ITFG1: variants seen among roughly 807,000 people sequenced by gnomAD.
ITFG1 encodes integrin alpha FG-GAP repeat containing 1, also known as T-cell immunomodulatory protein.
In ITFG1, 34 loss-of-function variants were observed where a neutral mutation model predicts 81.8. That is an observed-to-expected ratio of 0.42 (90% confidence interval 0.32 to 0.55). The LOEUF (loss-of-function observed/expected upper bound fraction) is 0.55. Among genes scored for constraint, ITFG1 ranks in the 20% least tolerant of loss-of-function variants. The pLI is 0.17. For missense variants in ITFG1, 672 were observed against 755.4 expected, an observed-to-expected ratio of 0.89 and a Z score of 1.29; for synonymous variants, 285 against 270.6, an observed-to-expected ratio of 1.05 and a Z score of -0.52.
chr16:47,283,171 A>G (rs1966468257), intron 10 of ITFG1, among the ~76,000 whole-genome samples: 1 of 152,102 alleles, frequency 6.6e-6, no homozygotes. Flanking sequence ...CAATGTCTAG[A>G]AGAGTTTTTC....
chr16:47,285,950 C>A (rs1966867982), intron 10 of ITFG1, among the ~76,000 whole-genome samples: 1 of 152,162 alleles, frequency 6.6e-6, no homozygotes, highest in Non-Finnish European at 1.5e-5. Flanking sequence ...ATTTGTAATT[C>A]CTTTGACACT....
intron 8 of ITFG1, among the ~76,000 whole-genome samples, chr16:47,350,535 A>G (rs1967936065): frequency 6.6e-6 from 1 of 152,236 alleles, no homozygotes; most frequent in South Asian, 2.1e-4. Flanking sequence ...TTCTCTGAAT[A>G]GACCAATAAC....
intron 10 of ITFG1, among the ~76,000 whole-genome samples, chr16:47,269,666 T>C (rs866151088): frequency 2.6e-5 from 4 of 152,278 alleles, no homozygotes; most frequent in Admixed American, 6.5e-5. Context: ...ACATTCATAG[T>C]CAGAGGATGC....
intron 14 of ITFG1, 25 bp downstream of exon 14, chr16:47,218,842 AT>A: frequency 6.9e-7 from 1 of 1,439,226 alleles, no homozygotes; most frequent in Non-Finnish European, 9.5e-7. Context: ...GCTTTTATAC[AT>A]TATGGACAAT....
In ITFG1 at chr16:47,229,855, C is replaced by T. The variant is rs150822518; in HGVS notation, c.1374+8110G>A. ...CACTTAAAGAGTTTAGAGTAGTCGC[C>T]GCTCATGTGCGGTTTCATGTCCTGT... is the stretch of plus-strand genomic sequence containing the variant. On this transcript the variant is annotated intron_variant, in intron 13 of 17. Coordinates refer to ENST00000320640, the MANE Select transcript of ITFG1 (RefSeq NM_030790.5). Among the ~76,000 whole-genome samples the T allele has an allele frequency of 3.6e-3, 546 of 152,168 alleles. 4 individuals carry two copies. Among genetic ancestry groups the T allele is most frequent in the African/African-American group, 0.013 (528 of 41,502 alleles).
At chr16:47,251,309 C>A (rs1051283700) in intron 12 of ITFG1, among the ~76,000 whole-genome samples, 12 of 152,184 alleles carry the variant, frequency 7.9e-5, no homozygotes, top group Admixed American at 7.2e-4. Flanking sequence ...TGTCTGAGAG[C>A]CCTCAAGCCA....
intron 12 of ITFG1, among the ~76,000 whole-genome samples, chr16:47,248,272 G>A (rs1966025651): frequency 6.6e-6 from 1 of 152,166 alleles, no homozygotes; most frequent in South Asian, 2.1e-4. Flanking sequence ...GCAGAAGCAG[G>A]CAGAGAATGC....
intron 4 of ITFG1, 40 bp downstream of exon 4, chr16:47,452,693 A>G (rs367654369): frequency 1.5e-6 from 2 of 1,348,608 alleles, no homozygotes; most frequent in Non-Finnish European, 2.1e-6. Flanking sequence ...TTTTATGTTT[A>G]AGTTTAAAAT....
chr16:47,391,892 C>T (rs1968536114), intron 6 of ITFG1, among the ~76,000 whole-genome samples: 1 of 152,042 alleles, frequency 6.6e-6, no homozygotes, highest in South Asian at 2.1e-4. Context: ...TACACCTATC[C>T]CTTCGTCCAT....
intron 12 of ITFG1, among the ~76,000 whole-genome samples, chr16:47,241,963 A>AAAAAAG (rs1555505775): frequency 1.3e-5 from 2 of 151,848 alleles, no homozygotes; most frequent in Non-Finnish European, 2.9e-5. Flanking sequence ...CAAAAAAAAA[A>AAAAAAG]AAAAAGAAAA....
chr16:47,256,423 A>G (rs1966140166), intron 12 of ITFG1, among the ~76,000 whole-genome samples: 1 of 152,186 alleles, frequency 6.6e-6, no homozygotes, highest in South Asian at 2.1e-4. Flanking sequence ...GGTTATTCTA[A>G]TTACATACAC....
intron 13 of ITFG1, among the ~76,000 whole-genome samples, chr16:47,226,991 T>C (rs1965765851): frequency 6.6e-6 from 1 of 152,226 alleles, no homozygotes. Context: ...ATATATCTAA[T>C]GTAAAGAAAA....
intron 8 of ITFG1, among the ~76,000 whole-genome samples, chr16:47,335,701 T>C (rs1355836726): frequency 6.6e-6 from 1 of 151,980 alleles, no homozygotes; most frequent in African/African-American, 2.4e-5. Flanking sequence ...CCAAATAAAA[T>C]AGTTATAATA....
intron 12 of ITFG1, among the ~76,000 whole-genome samples, chr16:47,239,816 C>T (rs1259342586): frequency 6.6e-6 from 1 of 152,066 alleles, no homozygotes; most frequent in African/African-American, 2.4e-5. Flanking sequence ...ACTTCTTTTC[C>T]AACTGTTCCA....
rs1969528034 is a variant in ITFG1 at position 47,460,894 on chromosome 16, G to C, written c.152C>G (p.Ala51Gly). The change falls in exon 1 of 18, where the codon GCG becomes GGG. Residue 51 changes from alanine (A) to glycine (G), a missense_variant. Ala to Gly is a moderately conservative substitution (Grantham distance 60). Transcript: ENST00000320640. ...GTCGGAGTTGAGGTCCCCGAAAGCC[G>C]CAAGGGTGCCCCAGGCCTCGGCCCC... ...LFGAEAWGTL[A>G]AFGDLNSDKQ... 1 of 1,613,476 alleles carries C rather than the reference G, an allele frequency of 6.2e-7. No individual in the cohort carries two copies. The highest frequency in any genetic ancestry group is 1.3e-5 in the African/African-American group (1 of 74,932).
chr16:47,223,873 T>C (rs1274094733), intron 13 of ITFG1, among the ~76,000 whole-genome samples: 2 of 152,276 alleles, frequency 1.3e-5, no homozygotes, highest in East Asian at 3.9e-4. Flanking sequence ...CACCATGGAA[T>C]ACTATGCAGT....
At chr16:47,281,665 G>A (rs1242858522) in intron 10 of ITFG1, among the ~76,000 whole-genome samples, 1 of 152,030 alleles carries the variant, frequency 6.6e-6, no homozygotes, top group South Asian at 2.1e-4. Flanking sequence ...ATGCATGGAG[G>A]GTTGTTCATT....
chr16:47,335,306 C>T (rs1316618851), intron 8 of ITFG1, among the ~76,000 whole-genome samples: 1 of 151,942 alleles, frequency 6.6e-6, no homozygotes, highest in Non-Finnish European at 1.5e-5. Context: ...GCTGTGAGCC[C>T]AGATCATGCC....
chr16:47,276,348 T>C (rs1416300273), intron 10 of ITFG1, among the ~76,000 whole-genome samples: 1 of 152,136 alleles, frequency 6.6e-6, no homozygotes, highest in African/African-American at 2.4e-5. Flanking sequence ...TGTCGGAGTT[T>C]TATGAAGATA....
Sources: allele counts gnomAD v4.1 joint callset (sites outside exome capture counted in the v4.1 genomes callset), GRCh38; gene constraint gnomAD v4.1.1; transcripts MANE v1.5; gene names NCBI Gene and HGNC (gene_info 2026-07-23, HGNC 2026-07-21).